The following INTS8 variants were observed in gnomAD, a reference collection of about 807,000 sequenced individuals.
The protein encoded by INTS8 is integrator complex subunit 8, also known as protein kaonashi-1.
INTS8 carries 47 observed loss-of-function variants against 138.9 expected under a neutral mutation model. The observed-to-expected ratio is 0.34, with a 90% CI of 0.27 to 0.43. INTS8 has a LOEUF of 0.43. Ranked by LOEUF, INTS8 falls within the 20% of genes least tolerant of loss-of-function variation. INTS8 has a pLI of 1.00. For missense variants in INTS8, 996 were observed against 1,173.0 expected, an observed-to-expected ratio of 0.85 and a Z score of 2.20; for synonymous variants, 392 against 400.9, an observed-to-expected ratio of 0.98 and a Z score of 0.27.
At chr8:94,862,211 G>A (rs11781712) in intron 16 of INTS8, among the ~76,000 whole-genome samples, 19,653 of 152,128 alleles carry the variant, frequency 0.13, 1,663 homozygotes, top group Middle Eastern at 0.2. Context: ...CAAAGTGCTG[G>A]GATTACAGGC....
At chr8:94,838,932 A>T (rs1025137179) in intron 8 of INTS8, among the ~76,000 whole-genome samples, 1 of 152,224 alleles carries the variant, frequency 6.6e-6, no homozygotes, top group Non-Finnish European at 1.5e-5. Context: ...AGAACTTTTA[A>T]CATTTAAAAA....
At chr8:94,854,448 A>T (rs1815671475) in intron 14 of INTS8, among the ~76,000 whole-genome samples, 1 of 152,178 alleles carries the variant, frequency 6.6e-6, no homozygotes, top group East Asian at 1.9e-4. Context: ...ACATGCAAAG[A>T]TATTATTTGT....
intron 10 of INTS8, among the ~76,000 whole-genome samples, chr8:94,845,081 C>T (rs1202949539): frequency 6.6e-6 from 1 of 152,078 alleles, no homozygotes; most frequent in East Asian, 1.9e-4. Context: ...TTCCAAAGCT[C>T]CTAAATTTAA....
intron 26 of INTS8, among the ~76,000 whole-genome samples, chr8:94,878,824 T>G (rs1169905747): frequency 6.6e-6 from 1 of 152,226 alleles, no homozygotes; most frequent in Admixed American, 6.5e-5. Context: ...TGATTACATC[T>G]CCTTCCTTCT....
At chr8:94,863,513 CTT>C (rs1265741330) in intron 16 of INTS8, among the ~76,000 whole-genome samples, 3 of 152,168 alleles carry the variant, frequency 2.0e-5, no homozygotes, top group Non-Finnish European at 4.4e-5. Flanking sequence ...GTACTGTTGA[CTT>C]ATTTCTTTTG....
intron 26 of INTS8, among the ~76,000 whole-genome samples, chr8:94,878,383 C>G (rs886233998): frequency 6.6e-6 from 1 of 152,212 alleles, no homozygotes; most frequent in African/African-American, 2.4e-5. Context: ...TGGCCAGGCT[C>G]TGTCCTCATG....
At chr8:94,861,364 C>T (rs1438133956) in intron 16 of INTS8, among the ~76,000 whole-genome samples, 1 of 140,458 alleles carries the variant, frequency 7.1e-6, no homozygotes, top group Non-Finnish European at 1.5e-5. Context: ...CGGGTTCACG[C>T]CATTCTCCTG....
intron 2 of INTS8, among the ~76,000 whole-genome samples, chr8:94,826,666 G>A (rs918810848): frequency 6.6e-6 from 1 of 152,136 alleles, no homozygotes; most frequent in African/African-American, 2.4e-5. Flanking sequence ...ATTTATGGAC[G>A]AAATGATTTG....
intron 18 of INTS8, chr8:94,866,924 C>CA (rs1273948597): frequency 2.1e-6 from 1 of 477,914 alleles, no homozygotes; most frequent in East Asian, 3.3e-5. Flanking sequence ...AACATTTATG[C>CA]TAATTTTATG....
At chr8:94,879,018 G>A (rs1349555276) in intron 26 of INTS8, among the ~76,000 whole-genome samples, 13 of 151,992 alleles carry the variant, frequency 8.6e-5, no homozygotes, top group Non-Finnish European at 1.6e-4. Flanking sequence ...ATCCACTCTC[G>A]GTTTTGATTA....
chr8:94,842,309 A>AGG (rs760960861), intron 9 of INTS8, 38 bp from the exon 10 acceptor site: 4 of 1,400,300 alleles, frequency 2.9e-6, no homozygotes, highest in Non-Finnish European at 3.9e-6. Context: ...CTTTTGTAGT[A>AGG]AAAATAACAT....
At position 94,881,717 on chromosome 8, in the gene INTS8, C is replaced by G. The variant is rs1409280323; in HGVS notation, c.*1483C>G. On this transcript the variant is annotated 3_prime_UTR_variant, in exon 27 of 27. Coordinates refer to ENST00000523731, the MANE Select transcript of INTS8 (RefSeq NM_017864.4). The stretch of plus-strand genomic sequence containing the variant: ...CACTGGTGACAACTGTCCCCCTTTT[C>G]TGAAGGTGTTTATGTAATTTACTTC... The G allele has an allele frequency of 1.9e-6, 3 of 1,613,708 alleles. No individual in the cohort carries two copies. The highest frequency in any genetic ancestry group is 2.7e-5 in the African/African-American group (2 of 74,870).
rs560658808 is a variant in INTS8 at position 94,843,350 on chromosome 8, A to G, written c.1260+862A>G. 6.0e-4 allele frequency among the ~76,000 whole-genome samples: 92 copies of G among 152,198 alleles called. 1 individual carries two copies. Among genetic ancestry groups the G allele is most frequent in the African/African-American group, 2.2e-3 (90 of 41,526 alleles). On this transcript the variant is annotated intron_variant, in intron 10 of 26. Transcript: ENST00000523731. ...TGGGAGGCCAAGGCGAGTGGATCAC[A>G]AGGTCAGGAGTTCAAGACCAGCCTG...
At position 94,841,488 on chromosome 8, in the gene INTS8, T is replaced by A; in HGVS notation, c.1018-3T>A. The A allele has an allele frequency of 6.5e-7, 1 of 1,527,478 alleles. No homozygotes were observed. The allele number at this position is 1,527,478 out of a possible 1,614,324, so 94.6% of individuals were successfully genotyped here. A position where few individuals can be genotyped will look rare whatever the true frequency, so the allele number is the denominator to read the frequency against. On this transcript the variant is annotated splice_region_variant and splice_polypyrimidine_tract_variant and intron_variant, in intron 8 of 26. Transcript: ENST00000523731. Reference sequence around the variant, plus strand: ...TGGGTGCAACTTTATGTGTGTGTTCTAGGAGGTAATACAGATTTTCATTGA... The same window carrying A: ...TGGGTGCAACTTTATGTGTGTGTTCAAGGAGGTAATACAGATTTTCATTGA...
In INTS8 at chr8:94,880,682, C is replaced by G. The variant is rs1453233892; in HGVS notation, c.*448C>G. 2.5e-5 allele frequency: 10 copies of G among 393,732 alleles called. No homozygotes were observed. The highest frequency in any genetic ancestry group is 4.5e-5 in the Non-Finnish European group (10 of 223,638). 24.4% of individuals were successfully genotyped at this position (393,732 alleles called of 1,614,324 possible). A position where few individuals can be genotyped will look rare whatever the true frequency, so the allele number is the denominator to read the frequency against. On this transcript the variant is annotated 3_prime_UTR_variant, in exon 27 of 27. Transcript: ENST00000523731. Reference sequence around the variant, plus strand: ...AGTGTTAAGCTTTATCACTTTGACACTGTCCTTATCTCACAATGGAGGAAT... The same window carrying G: ...AGTGTTAAGCTTTATCACTTTGACAGTGTCCTTATCTCACAATGGAGGAAT...
At chr8:94,831,018 G>A (rs1246567348) in intron 5 of INTS8, among the ~76,000 whole-genome samples, 1 of 152,124 alleles carries the variant, frequency 6.6e-6, no homozygotes, top group Non-Finnish European at 1.5e-5. Context: ...GGCTGGTCTT[G>A]AACTCCTGAC....
chr8:94,878,985 C>A (rs1252746500), intron 26 of INTS8, among the ~76,000 whole-genome samples: 1 of 152,154 alleles, frequency 6.6e-6, no homozygotes, highest in Non-Finnish European at 1.5e-5. Context: ...TTCTGTAACC[C>A]TGCATTCTCC....
At chr8:94,835,679 A>G (rs889747699) in intron 6 of INTS8, among the ~76,000 whole-genome samples, 31 of 151,904 alleles carry the variant, frequency 2.0e-4, no homozygotes, top group African/African-American at 7.5e-4. Context: ...GGCTCACTGC[A>G]ACCTCTGCCT....
At chr8:94,873,250 A>G in intron 21 of INTS8, 124 bp from the exon 22 acceptor site, 1 of 765,980 alleles carries the variant, frequency 1.3e-6, no homozygotes. Flanking sequence ...CTAACATTTT[A>G]TTTCTAGTTC....
Sources: gnomAD v4.1 joint callset for allele counts (sites outside exome capture counted in the v4.1 genomes callset) on GRCh38, gnomAD v4.1.1 for gene constraint, MANE v1.5 for transcripts, NCBI Gene and HGNC (gene_info 2026-07-23, HGNC 2026-07-21) for gene names.